ARFGEF3: variants seen among roughly 807,000 people sequenced by gnomAD.
ARFGEF3 encodes the protein ARFGEF family member 3, also known as brefeldin A-inhibited guanine nucleotide-exchange protein 3.
A neutral mutation model predicts 221.7 loss-of-function variants in ARFGEF3; 96 were observed. The ratio of observed to expected loss-of-function variants is 0.43; its 90% CI spans 0.37 to 0.51. The LOEUF is 0.51. Ranked by LOEUF, ARFGEF3 falls within the 20% of genes least tolerant of loss-of-function variation. ARFGEF3 has a pLI of 0.00. For missense variants in ARFGEF3, 2,410 were observed against 2,789.9 expected, an observed-to-expected ratio of 0.86 and a Z score of 3.07; for synonymous variants, 1,145 against 1,126.8, an observed-to-expected ratio of 1.02 and a Z score of -0.32.
intron 22 of ARFGEF3, among the ~76,000 whole-genome samples, chr6:138,302,612 A>G (rs1779647277): frequency 6.6e-6 from 1 of 152,338 alleles, no homozygotes; most frequent in South Asian, 2.1e-4. Context: ...ATGCTCGATG[A>G]CAATGACAAA....
intron 12 of ARFGEF3, among the ~76,000 whole-genome samples, chr6:138,274,812 A>AG (rs1779066821): frequency 1.3e-5 from 2 of 150,018 alleles, no homozygotes; most frequent in Non-Finnish European, 3.0e-5. Context: ...AAAAAAAAAA[A>AG]TGCACCTCAG....
At chr6:138,261,674 C>A in intron 11 of ARFGEF3, 35 bp downstream of exon 11, 2 of 1,287,788 alleles carry the variant, frequency 1.6e-6, no homozygotes, top group East Asian at 2.6e-5. Flanking sequence ...TTTATTGAGG[C>A]TGCTTTTCTG....
intron 2 of ARFGEF3, among the ~76,000 whole-genome samples, chr6:138,199,782 C>T (rs1777499312): frequency 6.6e-6 from 1 of 152,134 alleles, no homozygotes; most frequent in Non-Finnish European, 1.5e-5. Context: ...CTGGAGGAGT[C>T]CTTAGGGTTT....
intron 2 of ARFGEF3, among the ~76,000 whole-genome samples, chr6:138,201,603 T>C (rs919951772): frequency 2.6e-5 from 4 of 152,160 alleles, no homozygotes; most frequent in African/African-American, 9.7e-5. Flanking sequence ...CCCACTGATA[T>C]GTGGGAGCTA....
intron 2 of ARFGEF3, among the ~76,000 whole-genome samples, chr6:138,200,295 A>T (rs958371355): frequency 6.6e-6 from 1 of 152,168 alleles, no homozygotes; most frequent in Non-Finnish European, 1.5e-5. Context: ...AAACACCACC[A>T]TCATTCTTCA....
chr6:138,166,576 C>T (rs190611519), intron 1 of ARFGEF3, among the ~76,000 whole-genome samples: 7 of 152,152 alleles, frequency 4.6e-5, no homozygotes, highest in Admixed American at 6.5e-5. Context: ...TGAGGAATGG[C>T]GTGGCCAGGG....
At chr6:138,262,626 A>G in intron 11 of ARFGEF3, 75 bp from the exon 12 acceptor site, 2 of 1,434,488 alleles carry the variant, frequency 1.4e-6, no homozygotes, top group Admixed American at 2.1e-5. Context: ...TGCCAGGCTA[A>G]CACTCTTGTT....
At chr6:138,173,231 A>G (rs1341050326) in intron 2 of ARFGEF3, among the ~76,000 whole-genome samples, 1 of 152,234 alleles carries the variant, frequency 6.6e-6, no homozygotes, top group African/African-American at 2.4e-5. Flanking sequence ...TGTTTTAATT[A>G]AAAATTTTAA....
At chr6:138,228,673 G>A (rs141444472) in intron 4 of ARFGEF3, among the ~76,000 whole-genome samples, 2 of 152,304 alleles carry the variant, frequency 1.3e-5, no homozygotes, top group East Asian at 1.9e-4. Flanking sequence ...TCCTAGGGCC[G>A]GCCTAGCTGA....
intron 4 of ARFGEF3, among the ~76,000 whole-genome samples, chr6:138,227,418 G>A (rs1015548003): frequency 2.6e-5 from 4 of 152,160 alleles, no homozygotes; most frequent in African/African-American, 9.7e-5. Context: ...ACCTACCTTT[G>A]TGTACCTTAT....
rs1779397528 is a variant in ARFGEF3 at position 138,291,176 on chromosome 6, G to A, written c.3048-557G>A. 6.6e-6 allele frequency among the ~76,000 whole-genome samples: 1 copy of A among 152,118 alleles called. No homozygotes were observed. Among genetic ancestry groups the A allele is most frequent in the South Asian group, 2.1e-4 (1 of 4,828 alleles). ...CCCTTCTCTGTGTCTGCCATAATTCGGTGACTGCCCTCCCACCCGGCCGCC... is the reference window on the plus strand; with the variant it reads ...CCCTTCTCTGTGTCTGCCATAATTCAGTGACTGCCCTCCCACCCGGCCGCC... On this transcript the variant is annotated intron_variant, in intron 18 of 33. Coordinates refer to ENST00000251691, the MANE Select transcript of ARFGEF3 (RefSeq NM_020340.5). The surrounding 1 kb of genome is among the most constrained non-coding windows in gnomAD (Gnocchi z 4.5).
intron 22 of ARFGEF3, among the ~76,000 whole-genome samples, chr6:138,300,454 TA>T (rs201523307): frequency 0.011 from 1,735 of 152,128 alleles, 15 homozygotes; most frequent in Middle Eastern, 0.017. Context: ...AAAAGTTGGA[TA>T]AAAAAAATTT....
chr6:138,308,903 C>T (rs1172447279), intron 24 of ARFGEF3, 42 bp downstream of exon 24: 16 of 1,612,702 alleles, frequency 9.9e-6, no homozygotes, highest in Non-Finnish European at 1.1e-5. Flanking sequence ...CTGCTGAGGA[C>T]CCTTTCCAGG....
Position 138,265,702 on chromosome 6 carries a change from C to T in ARFGEF3, c.2128+2091C>T, listed in dbSNP as rs536834322. Among the ~76,000 whole-genome samples the T allele has an allele frequency of 1.1e-4, 16 of 152,130 alleles. 1 individual carries two copies. The highest frequency in any genetic ancestry group is 9.7e-4 in the East Asian group (5 of 5,170). On this transcript the variant is annotated intron_variant, in intron 12 of 33. Transcript: ENST00000251691. ...CTTCAACCAACATTTATAGAGAAGCCGAATTGTGCTATATGCTAAGGTCCC... is the reference window on the plus strand; with the variant it reads ...CTTCAACCAACATTTATAGAGAAGCTGAATTGTGCTATATGCTAAGGTCCC...
chr6:138,335,292 C>CAGGTAG (rs879472380), intron 33 of ARFGEF3, 104 bp downstream of exon 33: 9 of 1,208,392 alleles, frequency 7.4e-6, no homozygotes, highest in African/African-American at 4.6e-5. Flanking sequence ...TTTATAGAAA[C>CAGGTAG]AGGTAGGGGG....
chr6:138,299,198 TAAAAAA>T (rs60475752), intron 22 of ARFGEF3, among the ~76,000 whole-genome samples: 14 of 39,440 alleles, frequency 3.5e-4, no homozygotes, highest in African/African-American at 8.3e-4. Context: ...CGAGACTCTG[TAAAAAA>T]AAAAAAAAAA....
chr6:138,312,917 C>T (rs1779856284), intron 25 of ARFGEF3, among the ~76,000 whole-genome samples: 1 of 152,176 alleles, frequency 6.6e-6, no homozygotes, highest in African/African-American at 2.4e-5. Context: ...GCCATGTTGT[C>T]CAGGCTGGTC....
At chr6:138,214,786 G>A (rs937477990) in intron 4 of ARFGEF3, among the ~76,000 whole-genome samples, 6 of 151,956 alleles carry the variant, frequency 3.9e-5, no homozygotes, top group Admixed American at 2.0e-4. Flanking sequence ...TCAATCAGAG[G>A]GTTAAAAAAA....
chr6:138,163,420 G>A (rs946896962), intron 1 of ARFGEF3, among the ~76,000 whole-genome samples: 1 of 152,144 alleles, frequency 6.6e-6, no homozygotes, highest in Non-Finnish European at 1.5e-5. Context: ...TATTTTTGCC[G>A]TTGCCATTGT....
Sources: gnomAD v4.1 joint callset for allele counts (sites outside exome capture counted in the v4.1 genomes callset) on GRCh38, gnomAD v4.1.1 for gene constraint, Gnocchi (gnomAD v3.1) non-coding constraint, MANE v1.5 for transcripts, NCBI Gene and HGNC (gene_info 2026-07-23, HGNC 2026-07-21) for gene names.